Variants in NEK7 observed in about 807,000 individuals in gnomAD.
The protein encoded by NEK7 is NIMA related kinase 7.
NEK7 carries 18 observed loss-of-function variants against 44.6 expected under a neutral mutation model. The observed-to-expected ratio is 0.40, with a 90% CI of 0.28 to 0.60. NEK7 has a LOEUF of 0.60. Among genes scored for constraint, NEK7 ranks in the 20% least tolerant of loss-of-function variants. The pLI is 0.38. For missense variants in NEK7, 256 were observed against 366.5 expected, an observed-to-expected ratio of 0.70 and a Z score of 2.46; for synonymous variants, 130 against 121.1, an observed-to-expected ratio of 1.07 and a Z score of -0.48.
intron 1 of NEK7, among the ~76,000 whole-genome samples, chr1:198,213,059 T>A (rs1324852903): frequency 2.0e-5 from 3 of 152,196 alleles, no homozygotes. Flanking sequence ...TCAGAGCTGG[T>A]GTGGTACCCA....
rs550848309 is a variant in NEK7, at chr1:198,318,487, A to C, written c.799-925A>C. On this transcript the variant is annotated intron_variant, in intron 9 of 9. Coordinates refer to ENST00000367385, the MANE Select transcript of NEK7 (RefSeq NM_133494.3). ...TGGTAGAAATTGAGAACTATGAAGA[A>C]ATTGTGCTAATTTAAAAATTTACTA... Among the ~76,000 whole-genome samples the C allele has an allele frequency of 9.9e-4, 151 of 152,306 alleles. 2 individuals carry two copies. Among genetic ancestry groups the C allele is most frequent in the Middle Eastern group, 3.4e-3 (1 of 294 alleles).
At chr1:198,283,675 G>A (rs142519081) in intron 7 of NEK7, among the ~76,000 whole-genome samples, 3 of 152,184 alleles carry the variant, frequency 2.0e-5, no homozygotes, top group African/African-American at 7.2e-5. Context: ...TATATGTTAA[G>A]AAACTTATCT....
At chr1:198,243,979 A>T (rs1666761975) in intron 2 of NEK7, among the ~76,000 whole-genome samples, 1 of 152,078 alleles carries the variant, frequency 6.6e-6, no homozygotes, top group South Asian at 2.1e-4. Flanking sequence ...TAGAAAGGAT[A>T]TTCTGGTTTG....
At chr1:198,193,024 C>T (rs1255135078) in intron 1 of NEK7, among the ~76,000 whole-genome samples, 1 of 149,186 alleles carries the variant, frequency 6.7e-6, no homozygotes. Context: ...AATCCAGGAG[C>T]GGTTTTTTTT....
intron 7 of NEK7, among the ~76,000 whole-genome samples, chr1:198,284,148 A>G (rs1654298764): frequency 6.6e-6 from 1 of 152,188 alleles, no homozygotes; most frequent in South Asian, 2.1e-4. Context: ...AGCTATGCAC[A>G]TGAGCTGTTC....
At chr1:198,300,794 A>G (rs1023326831) in intron 9 of NEK7, among the ~76,000 whole-genome samples, 1 of 152,230 alleles carries the variant, frequency 6.6e-6, no homozygotes, top group African/African-American at 2.4e-5. Context: ...TGACAATTGA[A>G]TGAGTGAGAG....
intron 1 of NEK7, among the ~76,000 whole-genome samples, chr1:198,175,092 A>T (rs1306285956): frequency 2.0e-5 from 3 of 152,180 alleles, no homozygotes; most frequent in African/African-American, 7.2e-5. Flanking sequence ...TTTATGGTTT[A>T]TTGTAAACTG....
chr1:198,159,214 C>T (rs1034191349), intron 1 of NEK7, among the ~76,000 whole-genome samples: 1 of 152,104 alleles, frequency 6.6e-6, no homozygotes, highest in Non-Finnish European at 1.5e-5. Flanking sequence ...TACTCCAGCC[C>T]TGGGCTCGGA....
At chr1:198,175,342 T>C (rs1664575386) in intron 1 of NEK7, among the ~76,000 whole-genome samples, 2 of 152,220 alleles carry the variant, frequency 1.3e-5, no homozygotes, top group Admixed American at 1.3e-4. Flanking sequence ...TATTGAGTAC[T>C]TGTTACAGAC....
At position 198,277,945 on chromosome 1, in the gene NEK7, T is replaced by A. The variant is rs767283058; in HGVS notation, c.373-16T>A. 3.3e-6 allele frequency: 5 copies of A among 1,499,196 alleles called. No homozygotes were observed. The highest frequency in any genetic ancestry group is 4.6e-6 in the Non-Finnish European group (5 of 1,082,678). 92.9% of individuals were successfully genotyped at this position (1,499,196 alleles called of 1,614,324 possible). Reference sequence around the variant, plus strand: ...AATTTTAGTTTTTATAGTTCTTATTTTTAATTTTCAAAAAGCATTTTAAGA... The same window carrying A: ...AATTTTAGTTTTTATAGTTCTTATTATTAATTTTCAAAAAGCATTTTAAGA... On this transcript the variant is annotated splice_polypyrimidine_tract_variant and intron_variant, in intron 5 of 9. Coordinates refer to ENST00000367385, the MANE Select transcript of NEK7 (RefSeq NM_133494.3).
At chr1:198,309,994 T>TTC in intron 9 of NEK7, among the ~76,000 whole-genome samples, 1 of 151,840 alleles carries the variant, frequency 6.6e-6, no homozygotes, top group Admixed American at 6.5e-5. Flanking sequence ...GTATTTCTAG[T>TTC]TCTAGATCCC....
intron 1 of NEK7, among the ~76,000 whole-genome samples, chr1:198,213,243 G>A (rs897986327): frequency 5.3e-5 from 8 of 152,220 alleles, no homozygotes; most frequent in Non-Finnish European, 1.0e-4. Flanking sequence ...CATTAAGGGA[G>A]CACCCTGTGG....
intron 8 of NEK7, among the ~76,000 whole-genome samples, chr1:198,295,545 T>C (rs1654688850): frequency 6.6e-6 from 1 of 151,732 alleles, no homozygotes; most frequent in Non-Finnish European, 1.5e-5. Flanking sequence ...AACAGGACAG[T>C]TGACATTTTT....
Position 198,172,867 on chromosome 1 carries a change from A to C in NEK7, c.-29+15591A>C, listed in dbSNP as rs1038409739. On this transcript the variant is annotated intron_variant, in intron 1 of 9. Coordinates refer to ENST00000367385, the MANE Select transcript of NEK7 (RefSeq NM_133494.3). ...GAATAACTCCCTCAATTCTTGATTA[A>C]ATCTATATTGATCATAACTAAGTTA... is the stretch of plus-strand genomic sequence containing the variant. Among the ~76,000 whole-genome samples the C allele has an allele frequency of 8.7e-4, 132 of 152,342 alleles. 1 individual carries two copies. Among genetic ancestry groups the C allele is most frequent in the Middle Eastern group, 3.4e-3 (1 of 294 alleles).
chr1:198,300,379 A>C (rs1011597022), intron 9 of NEK7, among the ~76,000 whole-genome samples: 1 of 152,190 alleles, frequency 6.6e-6, no homozygotes, highest in African/African-American at 2.4e-5. Context: ...TTATCAATGC[A>C]AGTTCTACTA....
intron 2 of NEK7, among the ~76,000 whole-genome samples, chr1:198,251,817 A>C (rs1474573782): frequency 6.6e-6 from 1 of 151,950 alleles, no homozygotes; most frequent in Non-Finnish European, 1.5e-5. Flanking sequence ...TGATCCTTTC[A>C]AAAAACCAGC....
At chr1:198,161,115 G>A (rs1406912561) in intron 1 of NEK7, among the ~76,000 whole-genome samples, 1 of 152,078 alleles carries the variant, frequency 6.6e-6, no homozygotes, top group Non-Finnish European at 1.5e-5. Context: ...AGTGTTAAGC[G>A]GAACAATATA....
chr1:198,305,427 A>T (rs114450551), intron 9 of NEK7, among the ~76,000 whole-genome samples: 1 of 152,154 alleles, frequency 6.6e-6, no homozygotes, highest in Non-Finnish European at 1.5e-5. Flanking sequence ...AGAAACTTTT[A>T]AAAAATGTGA....
intron 9 of NEK7, among the ~76,000 whole-genome samples, chr1:198,312,315 T>A (rs1655213371): frequency 6.6e-6 from 1 of 150,976 alleles, no homozygotes; most frequent in Non-Finnish European, 1.5e-5. Context: ...TGCATCTATT[T>A]GATTCTTCTC....
Sources: allele counts gnomAD v4.1 joint callset (sites outside exome capture counted in the v4.1 genomes callset), GRCh38; gene constraint gnomAD v4.1.1; transcripts MANE v1.5; gene names NCBI Gene and HGNC (gene_info 2026-07-23, HGNC 2026-07-21).